OCM: variants seen among roughly 807,000 people sequenced by gnomAD.
OCM encodes oncomodulin, also known as oncomodulin-1.
Under a neutral mutation model 14.1 loss-of-function variants are expected in OCM, and 18 were observed. The ratio of observed to expected loss-of-function variants is 1.28; its 90% CI spans 0.88 to 1.89. The LOEUF (loss-of-function observed/expected upper bound fraction) is 1.89. OCM is among the 40% of genes most tolerant of loss of function. OCM has a pLI of 0.00. For missense variants in OCM, 140 were observed against 137.6 expected (o/e 1.02, Z -0.09); for synonymous variants, 48 against 51.0 (o/e 0.94, Z 0.25).
the OCM span, chr7:5,872,092 G>C: frequency 3.3e-5 from 5 of 152,196 alleles, no homozygotes; most frequent in African/African-American, 1.2e-4. Flanking sequence ...CACAGATTAC[G>C]GCGCCAGCGG....
the OCM span, among the ~76,000 whole-genome samples, chr7:5,860,231 ACGGAGC>A: frequency 1.3e-4 from 19 of 151,936 alleles, no homozygotes; most frequent in Non-Finnish European, 2.5e-4. Context: ...GTAAGTTGAG[ACGGAGC>A]CGCTCACATT....
the OCM span, among the ~76,000 whole-genome samples, chr7:5,872,219 G>A: frequency 6.6e-6 from 1 of 152,068 alleles, no homozygotes; most frequent in Non-Finnish European, 1.5e-5. Flanking sequence ...TTATAGACGG[G>A]GTCTGTGTGT....
chr7:5,868,430 A>G, the OCM span, among the ~76,000 whole-genome samples: 7 of 152,066 alleles, frequency 4.6e-5, no homozygotes, highest in Admixed American at 4.6e-4. Flanking sequence ...TACAGGTGTG[A>G]GCCACCGCGC....
upstream of OCM, among the ~76,000 whole-genome samples, chr7:5,877,997 A>G (rs1255443034): frequency 2.0e-5 from 3 of 148,928 alleles, no homozygotes; most frequent in Non-Finnish European, 4.4e-5. Flanking sequence ...TTGAGGCGGA[A>G]TCTCGCTCTG....
the OCM span, among the ~76,000 whole-genome samples, chr7:5,873,022 C>G: frequency 6.6e-6 from 1 of 152,112 alleles, no homozygotes; most frequent in South Asian, 2.1e-4. Context: ...GAACCACAAT[C>G]GCATCATTGC....
chr7:5,878,329 C>G (rs1781137872), upstream of OCM, among the ~76,000 whole-genome samples: 1 of 151,876 alleles, frequency 6.6e-6, no homozygotes, highest in Admixed American at 6.6e-5. Flanking sequence ...GGTGGGGGAA[C>G]AGGGCAGTTG....
At chr7:5,882,036 G>A (rs1162406439) in intron 1 of OCM, among the ~76,000 whole-genome samples, 7 of 133,934 alleles carry the variant, frequency 5.2e-5, no homozygotes, top group Admixed American at 8.3e-5. Context: ...GCAGTGAGCC[G>A]AGATCACGCC....
At position 5,880,968 on chromosome 7, in the gene OCM, CG is replaced by C; in HGVS notation, c.61+23del. 2.1e-6 allele frequency: 2 copies of C among 932,462 alleles called. No homozygotes were observed. Among genetic ancestry groups the C allele is most frequent in the South Asian group, 2.6e-5 (2 of 77,884 alleles). The allele number at this position is 932,462 out of a possible 1,614,324, so 57.8% of individuals were successfully genotyped here. ...ATGCCGAGGTAGAGGGGACGTGAGGCGGGGGTGGGATTTCCTCACAGCTTTG... is the reference window on the plus strand; with the variant it reads ...ATGCCGAGGTAGAGGGGACGTGAGGCGGGGTGGGATTTCCTCACAGCTTTG... On this transcript the variant is annotated intron_variant, in intron 1 of 3. Coordinates refer to ENST00000242104, the MANE Select transcript of OCM (RefSeq NM_001097622.2).
At chr7:5,861,422 A>T in the OCM span, among the ~76,000 whole-genome samples, 23 of 139,328 alleles carry the variant, frequency 1.7e-4, no homozygotes, top group Middle Eastern at 3.7e-3. Flanking sequence ...ATTCTGTCTT[A>T]AAAAAAAAAA....
chr7:5,869,022 C>T, the OCM span, among the ~76,000 whole-genome samples: 1 of 152,106 alleles, frequency 6.6e-6, no homozygotes, highest in African/African-American at 2.4e-5. Flanking sequence ...GAGATCGCGC[C>T]ATTGTACTCC....
upstream of OCM, among the ~76,000 whole-genome samples, chr7:5,874,973 T>C (rs992853648): frequency 6.6e-6 from 1 of 152,018 alleles, no homozygotes; most frequent in African/African-American, 2.4e-5. Flanking sequence ...CTCTGTCAAT[T>C]TGAATATTCT....
At chr7:5,872,147 AG>A in the OCM span, 2 of 152,234 alleles carry the variant, frequency 1.3e-5, no homozygotes, top group African/African-American at 4.8e-5. Context: ...GTAGGTCACA[AG>A]GGATGCATTT....
the OCM span, among the ~76,000 whole-genome samples, chr7:5,866,435 G>C: frequency 3.7e-5 from 4 of 107,568 alleles, no homozygotes; most frequent in Non-Finnish European, 7.3e-5. Flanking sequence ...GGAGGGGGAA[G>C]ACAAGGAGGG....
the OCM span, among the ~76,000 whole-genome samples, chr7:5,871,580 A>T: frequency 4.6e-5 from 7 of 152,210 alleles, no homozygotes; most frequent in South Asian, 6.2e-4. Context: ...TGAACTGGGC[A>T]ATGTTGCACA....
At position 5,880,845 on chromosome 7, in the gene OCM, T is replaced by C; in HGVS notation, c.-45T>C. On this transcript the variant is annotated 5_prime_UTR_variant, in exon 1 of 4. Transcript: ENST00000242104. Reference sequence around the variant, plus strand: ...TTCCCCTGGATGTGCACATTCCTGTTTGTGGCTTATCGCCTCTCATTTATT... The same window carrying C: ...TTCCCCTGGATGTGCACATTCCTGTCTGTGGCTTATCGCCTCTCATTTATT... 6.3e-7 allele frequency: 1 copy of C among 1,587,484 alleles called. No individual in the cohort carries two copies. Among genetic ancestry groups the C allele is most frequent in the African/African-American group, 1.3e-5 (1 of 74,510 alleles).
the OCM span, among the ~76,000 whole-genome samples, chr7:5,860,180 A>G: frequency 6.6e-6 from 1 of 151,370 alleles, no homozygotes; most frequent in African/African-American, 2.4e-5. Context: ...TCCTTAATTA[A>G]CTCACTTAAG....
chr7:5,875,435 A>G (rs1390577201), upstream of OCM, among the ~76,000 whole-genome samples: 2 of 152,004 alleles, frequency 1.3e-5, no homozygotes, highest in Non-Finnish European at 2.9e-5. Context: ...TTCAGAAAAC[A>G]TGTTCACTGA....
chr7:5,875,892 G>C (rs781033086), upstream of OCM, among the ~76,000 whole-genome samples: 3 of 151,004 alleles, frequency 2.0e-5, no homozygotes, highest in Non-Finnish European at 4.4e-5. Context: ...CTGGAGTGCA[G>C]TGGTGCAATT....
the OCM span, among the ~76,000 whole-genome samples, chr7:5,869,589 A>G: frequency 6.6e-6 from 1 of 152,232 alleles, no homozygotes; most frequent in African/African-American, 2.4e-5. Context: ...CAGAGATTCC[A>G]TCTAAAAAAG....
Sources: gnomAD v4.1 joint callset for allele counts (sites outside exome capture counted in the v4.1 genomes callset) on GRCh38, gnomAD v4.1.1 for gene constraint, MANE v1.5 for transcripts, NCBI Gene and HGNC (gene_info 2026-07-23, HGNC 2026-07-21) for gene names.